TET2: variants seen among roughly 807,000 people sequenced by gnomAD.
The protein encoded by TET2 is methylcytosine dioxygenase TET2.
In TET2, 299 loss-of-function variants were observed where a neutral mutation model predicts 142.9. The ratio of observed to expected loss-of-function variants is 2.09; its 90% CI spans 1.90 to 2.30. The LOEUF (loss-of-function observed/expected upper bound fraction) is 2.30. Among genes scored for constraint, TET2 ranks in the 30% most tolerant of loss-of-function variants. The probability of loss-of-function intolerance (pLI) is 0.00; values close to 1 mark genes in which losing one functional copy is unlikely to be tolerated. For missense variants in TET2, 2,418 were observed against 2,378.0 expected (o/e 1.02, Z -0.35); for synonymous variants, 819 against 849.0 (o/e 0.96, Z 0.61).
intron 6 of TET2, among the ~76,000 whole-genome samples, chr4:105,254,145 T>A (rs1730007891): frequency 6.6e-6 from 1 of 152,196 alleles, no homozygotes; most frequent in African/African-American, 2.4e-5. Context: ...TAGAATAAGT[T>A]ATGAAGTATT....
intron 10 of TET2, among the ~76,000 whole-genome samples, chr4:105,273,197 A>G (rs1731050088): frequency 6.6e-6 from 1 of 152,192 alleles, no homozygotes; most frequent in African/African-American, 2.4e-5. Context: ...CTCTTATTGT[A>G]AAATGAACAT....
chr4:105,152,855 C>G (rs540052692), intron 1 of TET2, among the ~76,000 whole-genome samples: 1 of 152,040 alleles, frequency 6.6e-6, no homozygotes, highest in Admixed American at 6.6e-5. Context: ...CCCGGGTCTC[C>G]CAAAGTGCTG....
chr4:105,177,243 C>T (rs2110436722), intron 1 of TET2, among the ~76,000 whole-genome samples: 1 of 152,222 alleles, frequency 6.6e-6, no homozygotes, highest in South Asian at 2.1e-4. Context: ...GATACAGCTC[C>T]AAAGGCACGA....
chr4:105,190,906 G>A (rs780284528), intron 2 of TET2, among the ~76,000 whole-genome samples: 3 of 152,138 alleles, frequency 2.0e-5, no homozygotes, highest in Non-Finnish European at 4.4e-5. Context: ...CCAAATAAAT[G>A]GTATTTGTGG....
chr4:105,162,976 A>C (rs1223772390), intron 1 of TET2, among the ~76,000 whole-genome samples: 1 of 152,228 alleles, frequency 6.6e-6, no homozygotes, highest in African/African-American at 2.4e-5. Flanking sequence ...TTATTGAACT[A>C]AACACCAGCA....
At chr4:105,180,483 T>A (rs1008377238) in intron 1 of TET2, among the ~76,000 whole-genome samples, 1 of 152,182 alleles carries the variant, frequency 6.6e-6, no homozygotes, top group African/African-American at 2.4e-5. Flanking sequence ...TTATCTTTTT[T>A]TGTTTTACCA....
At chr4:105,149,779 T>C in intron 1 of TET2, among the ~76,000 whole-genome samples, 1 of 152,262 alleles carries the variant, frequency 6.6e-6, no homozygotes, top group East Asian at 1.9e-4. Context: ...TTAGGTCTGA[T>C]GTGCCAGTTT....
chr4:105,214,293 C>G (rs550059767), intron 2 of TET2, among the ~76,000 whole-genome samples: 1 of 138,050 alleles, frequency 7.2e-6, no homozygotes, highest in African/African-American at 2.7e-5. Flanking sequence ...ACTTGTCCCC[C>G]GAGGGAGATT....
Position 105,278,152 on chromosome 4 carries a change from T to TA in TET2, c.*1640dup, listed in dbSNP as rs1731299328. 1 of 148,580 alleles carries TA rather than the reference T, an allele frequency of 6.7e-6. No homozygotes were observed. Among genetic ancestry groups the TA allele is most frequent in the Admixed American group, 8.1e-5 (1 of 12,360 alleles). 9.2% of individuals were successfully genotyped at this position (148,580 alleles called of 1,614,324 possible). On this transcript the variant is annotated 3_prime_UTR_variant, in exon 11 of 11. Transcript: ENST00000380013. ...GCAATGCTTTAGTATTTTAGTACTG[T>TA]AAAAAAATTAAATATATACATATAT...
chr4:105,228,166 T>C (rs977813863), intron 2 of TET2, among the ~76,000 whole-genome samples: 1 of 152,162 alleles, frequency 6.6e-6, no homozygotes, highest in Non-Finnish European at 1.5e-5. Context: ...AAGTGTGATT[T>C]AGCACATATT....
intron 1 of TET2, among the ~76,000 whole-genome samples, chr4:105,153,209 A>G (rs1276836965): frequency 1.3e-5 from 2 of 152,218 alleles, no homozygotes; most frequent in Non-Finnish European, 2.9e-5. Context: ...CTATAATATC[A>G]TATCACATCA....
intron 2 of TET2, among the ~76,000 whole-genome samples, chr4:105,224,684 G>GTCTCTCTCCCTCTC (rs1728066252): frequency 9.3e-6 from 1 of 108,106 alleles, no homozygotes; most frequent in African/African-American, 3.6e-5. Flanking sequence ...ATATCAGCCA[G>GTCTCTCTCCCTCTC]TCTCTCTCTC....
At chr4:105,206,448 CA>C (rs1726831830) in intron 2 of TET2, among the ~76,000 whole-genome samples, 1 of 152,188 alleles carries the variant, frequency 6.6e-6, no homozygotes. Context: ...TTGTCTCCCT[CA>C]AATGGTACAA....
chr4:105,254,656 C>T (rs1730034198), intron 6 of TET2, among the ~76,000 whole-genome samples: 1 of 152,152 alleles, frequency 6.6e-6, no homozygotes, highest in African/African-American at 2.4e-5. Context: ...AAGCAATCTG[C>T]CTGCCTCAGC....
chr4:105,250,835 A>G (rs1729837845), intron 6 of TET2, among the ~76,000 whole-genome samples: 1 of 151,954 alleles, frequency 6.6e-6, no homozygotes, highest in Admixed American at 6.6e-5. Context: ...GCGCGCCACC[A>G]TGCCTGGCTA....
intron 1 of TET2, among the ~76,000 whole-genome samples, chr4:105,161,180 C>T (rs1235846830): frequency 1.3e-5 from 2 of 152,086 alleles, no homozygotes; most frequent in Non-Finnish European, 2.9e-5. Context: ...TAAAGCTGTT[C>T]TCATTTAGAG....
intron 7 of TET2, 76 bp downstream of exon 7, chr4:105,259,845 G>A (rs2110285249): frequency 1.4e-6 from 2 of 1,387,144 alleles, no homozygotes; most frequent in Non-Finnish European, 1.9e-6. Context: ...TGAACAATAT[G>A]ACATATCTTG....
rs1731365779 is a variant in TET2 at position 105,279,582 on chromosome 4, TAAGATAAC to T, written c.*3064_*3071del. ...GTAGGAAACTTTTGCAGTTTGACAC[TAAGATAAC>T]TTCTGTGTGCATTTTTCTATGCTTT... On this transcript the variant is annotated 3_prime_UTR_variant, in exon 11 of 11. Coordinates refer to ENST00000380013, the MANE Select transcript of TET2 (RefSeq NM_001127208.3). The T allele has an allele frequency of 4.3e-6, 1 of 232,390 alleles. No homozygotes were observed. Among genetic ancestry groups the T allele is most frequent in the African/African-American group, 2.2e-5 (1 of 45,304 alleles). 14.4% of individuals were successfully genotyped at this position (232,390 alleles called of 1,614,324 possible). A position where few individuals can be genotyped will look rare whatever the true frequency, so the allele number is the denominator to read the frequency against.
chr4:105,249,151 C>G (rs1729736985), intron 6 of TET2, among the ~76,000 whole-genome samples: 1 of 151,892 alleles, frequency 6.6e-6, no homozygotes, highest in African/African-American at 2.4e-5. Flanking sequence ...CCTCAGCCCC[C>G]AAGTAGTTGG....
Sources: allele counts gnomAD v4.1 joint callset (sites outside exome capture counted in the v4.1 genomes callset), GRCh38; gene constraint gnomAD v4.1.1; transcripts MANE v1.5; gene names NCBI Gene and HGNC (gene_info 2026-07-23, HGNC 2026-07-21).